DGCR2: variants seen among roughly 807,000 people sequenced by gnomAD.
DGCR2 encodes integral membrane protein DGCR2/IDD.
A neutral mutation model predicts 51.6 loss-of-function variants in DGCR2; 24 were observed. The observed-to-expected ratio is 0.47, with a 90% CI of 0.34 to 0.65. The LOEUF (loss-of-function observed/expected upper bound fraction) is 0.65. Ranked by LOEUF, DGCR2 falls within the 30% of genes least tolerant of loss-of-function variation. The probability of loss-of-function intolerance (pLI) is 0.01; values close to 1 mark genes in which losing one functional copy is unlikely to be tolerated. For missense variants in DGCR2, 765 were observed against 772.1 expected, an observed-to-expected ratio of 0.99 and a Z score of 0.11; for synonymous variants, 340 against 315.4, an observed-to-expected ratio of 1.08 and a Z score of -0.82.
chr22:19,083,783 G>A (rs1457421723), intron 2 of DGCR2, among the ~76,000 whole-genome samples: 1 of 145,706 alleles, frequency 6.9e-6, no homozygotes, highest in Non-Finnish European at 1.5e-5. Context: ...AAGCTGGACT[G>A]TACTGCTGCC....
rs560056299 is a variant in DGCR2, at chr22:19,056,595, A to ACAGAGAAG, written c.802+383_802+390dup. Reference sequence around the variant, plus strand: ...CACACACCATAGACTGGCAAGGTAAACAGAGAAGCAGAGAAGCAGAGAGAA... The same window carrying ACAGAGAAG: ...CACACACCATAGACTGGCAAGGTAAACAGAGAAGCAGAGAAGCAGAGAAGCAGAGAGAA... On this transcript the variant is annotated intron_variant, in intron 6 of 9. Coordinates refer to ENST00000263196, the MANE Select transcript of DGCR2 (RefSeq NM_005137.3). The ACAGAGAAG allele has an allele frequency of 1.6e-5, 6 of 376,752 alleles. No homozygotes were observed. In the East Asian group the frequency reaches 3.4e-4, roughly 21 times the overall value. The allele number at this position is 376,752 out of a possible 1,614,324, so 23.3% of individuals were successfully genotyped here. A position where few individuals can be genotyped will look rare whatever the true frequency, so the allele number is the denominator to read the frequency against.
intron 7 of DGCR2, among the ~76,000 whole-genome samples, chr22:19,042,233 G>A (rs1391346999): frequency 6.6e-6 from 1 of 152,188 alleles, no homozygotes; most frequent in African/African-American, 2.4e-5. Context: ...GACCATCACC[G>A]GAGCAAACTA....
chr22:19,085,596 G>A (rs55988100), intron 2 of DGCR2, among the ~76,000 whole-genome samples: 1,859 of 152,340 alleles, frequency 0.012, 12 homozygotes, highest in South Asian at 0.022. Context: ...TGAAACCCAC[G>A]GACAAGCCCA....
chr22:19,099,127 G>A (rs745631021), intron 1 of DGCR2, among the ~76,000 whole-genome samples: 17 of 152,310 alleles, frequency 1.1e-4, no homozygotes, highest in Non-Finnish European at 2.2e-4. Flanking sequence ...CATTAACACT[G>A]GCACCTACTC....
intron 4 of DGCR2, 85 bp from the exon 5 acceptor site, chr22:19,063,363 A>T: frequency 7.5e-7 from 1 of 1,326,702 alleles, no homozygotes; most frequent in South Asian, 1.2e-5. Context: ...GTTTTTTGAG[A>T]CAGAGTCTCG....
intron 5 of DGCR2, among the ~76,000 whole-genome samples, chr22:19,059,227 C>T (rs2082634666): frequency 6.6e-6 from 1 of 152,072 alleles, no homozygotes; most frequent in Non-Finnish European, 1.5e-5. Context: ...CCCCCAGCAG[C>T]TGTGTGAGGA....
At chr22:19,062,262 G>C (rs1332389381) in intron 5 of DGCR2, among the ~76,000 whole-genome samples, 5 of 152,204 alleles carry the variant, frequency 3.3e-5, no homozygotes, top group Non-Finnish European at 5.9e-5. Context: ...GTCCTGAGCA[G>C]GATCGGGACA....
chr22:19,119,681 G>A (rs1400948835), intron 1 of DGCR2, among the ~76,000 whole-genome samples: 1 of 147,742 alleles, frequency 6.8e-6, no homozygotes, highest in Non-Finnish European at 1.5e-5. Flanking sequence ...GGTTGCAGTG[G>A]GCCAAGATCA....
chr22:19,091,021 G>A lies in DGCR2; in HGVS notation c.80-1531C>T, dbSNP rs567390930. Among the ~76,000 whole-genome samples the A allele has an allele frequency of 0.016, 9 of 560 alleles. No individual in the cohort carries two copies. In the East Asian group the frequency reaches 0.2, roughly 12 times the overall value. 0.4% of individuals were successfully genotyped at this position (560 alleles called of 152,430 possible). A position where few individuals can be genotyped will look rare whatever the true frequency, so the allele number is the denominator to read the frequency against. Reference sequence around the variant, plus strand: ...TAGGCATAAATAAGAGAAAATAAAAGAATAAAAAAGATATACCATGTTAAC... The same window carrying A: ...TAGGCATAAATAAGAGAAAATAAAAAAATAAAAAAGATATACCATGTTAAC... On this transcript the variant is annotated intron_variant, in intron 1 of 9. Coordinates refer to ENST00000263196, the MANE Select transcript of DGCR2 (RefSeq NM_005137.3).
At chr22:19,043,813 T>C (rs547374917) in intron 7 of DGCR2, among the ~76,000 whole-genome samples, 2 of 152,164 alleles carry the variant, frequency 1.3e-5, no homozygotes, top group Non-Finnish European at 2.9e-5. Context: ...CCCACACAGA[T>C]GGCAGCGCCA....
chr22:19,077,464 T>G (rs1410247025), intron 2 of DGCR2, among the ~76,000 whole-genome samples: 1 of 152,234 alleles, frequency 6.6e-6, no homozygotes, highest in Admixed American at 6.5e-5. Context: ...TGAATGGTAA[T>G]GGCATCCTTG....
chr22:19,093,229 G>A (rs1022977772), intron 1 of DGCR2, among the ~76,000 whole-genome samples: 4 of 151,946 alleles, frequency 2.6e-5, no homozygotes, highest in Admixed American at 2.0e-4. Context: ...GCATGGTGGT[G>A]CATGCCTGTA....
At chr22:19,067,470 A>C (rs1385919521) in intron 3 of DGCR2, among the ~76,000 whole-genome samples, 1 of 152,068 alleles carries the variant, frequency 6.6e-6, no homozygotes, top group Non-Finnish European at 1.5e-5. Flanking sequence ...AGGTGGGTGG[A>C]TCACCTCAGG....
chr22:19,051,190 A>C (rs961855976), intron 6 of DGCR2, among the ~76,000 whole-genome samples: 2 of 131,352 alleles, frequency 1.5e-5, no homozygotes, highest in East Asian at 2.1e-4. Flanking sequence ...TTCTGTCACA[A>C]AAAAAAAAAA....
chr22:19,048,531 C>T lies in DGCR2; in HGVS notation c.915G>A (p.Met305Ile). Residue 305 changes from methionine (M) to isoleucine (I), a missense_variant, in exon 7 of 10, where the codon ATG becomes ATA. Met to Ile is a conservative substitution (Grantham distance 10). Around this residue, in one of 3 missense-constraint regions of DGCR2, gnomAD observed 190 missense variants for 265.2 expected, o/e 0.72. Transcript: ENST00000263196. ...SCTCHGGEPE[M>I]CVAALCERPQ... ...GCCTCTCACAGAGAGCAGCCACACA[C>T]ATCTCAGGCTCCCCTCCATGGCAGG... 6.2e-7 allele frequency: 1 copy of T among 1,614,254 alleles called. No individual in the cohort carries two copies.
At chr22:19,059,739 C>T (rs1272837945) in intron 5 of DGCR2, among the ~76,000 whole-genome samples, 1 of 152,106 alleles carries the variant, frequency 6.6e-6, no homozygotes, top group Non-Finnish European at 1.5e-5. Flanking sequence ...TGGGCCGTCA[C>T]CAGCCACCGG....
chr22:19,122,270 G>A lies in DGCR2; in HGVS notation c.-64C>T. The A allele has an allele frequency of 6.7e-6, 9 of 1,343,056 alleles. No individual in the cohort carries two copies. The highest frequency in any genetic ancestry group is 9.0e-6 in the Non-Finnish European group (9 of 1,005,036). The allele number at this position is 1,343,056 out of a possible 1,614,324, so 83.2% of individuals were successfully genotyped here. A position where few individuals can be genotyped will look rare whatever the true frequency, so the allele number is the denominator to read the frequency against. ...CGGACCAGGCCGGACTGAGGGTCAG[G>A]GGACCGTGCCAAGCGGAGGGTCAGG... is the stretch of plus-strand genomic sequence containing the variant. On this transcript the variant is annotated 5_prime_UTR_variant, in exon 1 of 10. Coordinates refer to ENST00000263196, the MANE Select transcript of DGCR2 (RefSeq NM_005137.3).
rs1316896529 is a variant in DGCR2 at position 19,056,492 on chromosome 22, T to G, written c.802+494A>C. On this transcript the variant is annotated intron_variant, in intron 6 of 9. Transcript: ENST00000263196. ...TGTGATGGTGAAGAGGAAGGGGACC[T>G]GCCCCACCAAGAGCTCCTGAGACCC... The G allele has an allele frequency of 1.1e-4, 60 of 528,600 alleles. 2 individuals are homozygous for G. Among genetic ancestry groups the G allele is most frequent in the South Asian group, 1.0e-3 (52 of 49,870 alleles). 32.7% of individuals were successfully genotyped at this position (528,600 alleles called of 1,614,324 possible).
chr22:19,057,069 TG>T lies in DGCR2; in HGVS notation c.718del (p.His240IlefsTer55). The T allele has an allele frequency of 1.2e-6, 2 of 1,602,200 alleles. No homozygotes were observed. The highest frequency in any genetic ancestry group is 2.3e-5 in the South Asian group (2 of 88,678). The stretch of plus-strand genomic sequence containing the variant: ...GTCGTGGTGCCGCAGGGTGGGGAAA[TG>T]GAAGCACTGAAGCTGGGCACAGAAC... Reference protein sequence around the residue: ...NVFCAQLQCFHFPTLRHHDLH... With the variant: ...NVFCAQLQCFXFPTLRHHDLH... On this transcript the variant is annotated frameshift_variant, in exon 6 of 10. Coordinates refer to ENST00000263196, the MANE Select transcript of DGCR2 (RefSeq NM_005137.3). LOFTEE classifies it high-confidence loss of function. This position sits in a 1 kb window ranked among gnomAD's most constrained non-coding sequence, Gnocchi z 5.1.
Sources: allele counts gnomAD v4.1 joint callset (sites outside exome capture counted in the v4.1 genomes callset), GRCh38; gene constraint gnomAD v4.1.1; regional missense constraint gnomAD v4.1.1; non-coding constraint Gnocchi (gnomAD v3.1); transcripts MANE v1.5; gene names NCBI Gene and HGNC (gene_info 2026-07-23, HGNC 2026-07-21).